The following ANKRD28 variants were observed in gnomAD, a reference collection of about 807,000 sequenced individuals.
ANKRD28 encodes ankyrin repeat domain 28, also known as serine/threonine-protein phosphatase 6 regulatory ankyrin repeat subunit A.
In ANKRD28, 44 loss-of-function variants were observed where a neutral mutation model predicts 126.5. That is an observed-to-expected ratio of 0.35 (90% CI 0.27 to 0.45). ANKRD28 has a LOEUF of 0.45. Among genes scored for constraint, ANKRD28 ranks in the 20% least tolerant of loss-of-function variants. ANKRD28 has a pLI of 1.00. For missense variants in ANKRD28, 1,110 were observed against 1,316.6 expected (o/e 0.84, Z 2.43); for synonymous variants, 442 against 468.5 (o/e 0.94, Z 0.73).
intron 4 of ANKRD28, among the ~76,000 whole-genome samples, chr3:15,750,164 A>G (rs4467435): frequency 0.47 from 70,805 of 152,106 alleles, 19,453 homozygotes; most frequent in Non-Finnish European, 0.6. Flanking sequence ...AAATATATAA[A>G]TTGTACCTTC....
chr3:15,739,019 C>T (rs554951924), intron 4 of ANKRD28, among the ~76,000 whole-genome samples: 17 of 152,260 alleles, frequency 1.1e-4, no homozygotes, highest in African/African-American at 2.2e-4. Context: ...GGCTCTGTTC[C>T]GCCCGGCTCT....
At position 15,714,532 on chromosome 3, in the gene ANKRD28, GAAAAA is replaced by G. The variant is rs5846873; in HGVS notation, c.1075+41_1075+45del. The G allele has an allele frequency of 2.8e-5, 30 of 1,085,190 alleles. No individual in the cohort carries two copies. The African/African-American group carries it at 5.8e-4, about 21-fold the overall frequency. 67.2% of individuals were successfully genotyped at this position (1,085,190 alleles called of 1,614,324 possible). ...TGGTGGATGTTTTTACTACATTTAA[GAAAAA>G]AAAAAAAAAACCCCAAAAAAAAAAC... On this transcript the variant is annotated intron_variant, in intron 9 of 27. Transcript: ENST00000683139.
In ANKRD28 at chr3:15,797,208, A is replaced by C. The variant is rs1559550247; in HGVS notation, c.-687T>G. ...TTTGGGAAAGGGGCAAAAAACAAAA[A>C]CAAAAAAAAAAAAACCACTCTGCAT... is the stretch of plus-strand genomic sequence containing the variant. On this transcript the variant is annotated 5_prime_UTR_variant, in exon 1 of 28. Transcript: ENST00000683139. 3.2e-6 allele frequency: 3 copies of C among 940,736 alleles called. No homozygotes were observed. The African/African-American group carries it at 6.3e-5, about 20-fold the overall frequency. The allele number at this position is 940,736 out of a possible 1,614,324, so 58.3% of individuals were successfully genotyped here.
chr3:15,825,128 A>T (rs2061031630), intron 1 of ANKRD28, among the ~76,000 whole-genome samples: 1 of 152,146 alleles, frequency 6.6e-6, no homozygotes, highest in African/African-American at 2.4e-5. Context: ...CTTAAACTAC[A>T]TTTCCCAGAA....
At chr3:15,857,667 C>A (rs542664865) in intron 1 of ANKRD28, among the ~76,000 whole-genome samples, 2 of 152,224 alleles carry the variant, frequency 1.3e-5, no homozygotes, top group African/African-American at 4.8e-5. Context: ...AATTTTCTCA[C>A]AACTGCAATT....
chr3:15,796,642 G>GTT lies in ANKRD28; in HGVS notation c.-122_-121insAA, dbSNP rs2060288457. ...AAACATTCTCTGAACAGCACAGCTGGGTTTTTTTTTTTTTTAAAGTTAATA... is the reference window on the plus strand; with the variant it reads ...AAACATTCTCTGAACAGCACAGCTGGTTGTTTTTTTTTTTTTTAAAGTTAATA... On this transcript the variant is annotated 5_prime_UTR_variant, in exon 1 of 28. Transcript: ENST00000683139. 8 of 698,646 alleles carry GTT rather than the reference G, an allele frequency of 1.1e-5. No individual in the cohort carries two copies. The highest frequency in any genetic ancestry group is 2.7e-4 in the Admixed American group (2 of 7,412). The allele number at this position is 698,646 out of a possible 1,614,324, so 43.3% of individuals were successfully genotyped here. A position where few individuals can be genotyped will look rare whatever the true frequency, so the allele number is the denominator to read the frequency against.
chr3:15,681,483 CAAATA>C (rs2067541705), intron 21 of ANKRD28, among the ~76,000 whole-genome samples: 3 of 152,286 alleles, frequency 2.0e-5, no homozygotes, highest in African/African-American at 7.2e-5. Context: ...CTAATTACTA[CAAATA>C]AAATGTTGCT....
intron 1 of ANKRD28, chr3:15,859,348 G>A: frequency 1.3e-6 from 2 of 1,522,882 alleles, no homozygotes; most frequent in Admixed American, 2.0e-5. Flanking sequence ...CCCGGACGGC[G>A]CGATCCCGCC....
At chr3:15,792,133 T>G (rs1052233134) in intron 2 of ANKRD28, among the ~76,000 whole-genome samples, 2 of 152,132 alleles carry the variant, frequency 1.3e-5, no homozygotes, top group African/African-American at 4.8e-5. Flanking sequence ...TTGGTGGGAA[T>G]GTACAACCAC....
At chr3:15,682,784 C>T (rs1028946687) in intron 21 of ANKRD28, among the ~76,000 whole-genome samples, 2 of 152,124 alleles carry the variant, frequency 1.3e-5, no homozygotes, top group Non-Finnish European at 1.5e-5. Context: ...AATTATAAAA[C>T]GGGCTTTTGG....
chr3:15,821,736 C>G (rs1156780797), intron 1 of ANKRD28, among the ~76,000 whole-genome samples: 1 of 152,218 alleles, frequency 6.6e-6, no homozygotes, highest in Non-Finnish European at 1.5e-5. Flanking sequence ...ACTCCCCCTA[C>G]ATGGCAGCAT....
chr3:15,747,043 A>G (rs1335064500), intron 4 of ANKRD28, among the ~76,000 whole-genome samples: 1 of 151,862 alleles, frequency 6.6e-6, no homozygotes, highest in African/African-American at 2.4e-5. Flanking sequence ...CATTTGTAAT[A>G]TCTCCCATTT....
In ANKRD28 at chr3:15,853,926, C is replaced by T. The variant is rs955866632; in HGVS notation, c.27+5451G>A. Among the ~76,000 whole-genome samples, 3 of 152,114 alleles carry T rather than the reference C, an allele frequency of 2.0e-5. No individual in the cohort carries two copies. The highest frequency in any genetic ancestry group is 4.8e-5 in the African/African-American group (2 of 41,398). ...GCTATGAGAAATATTTTAAGATATA[C>T]TCACTCTCATTCAAACTTTTGCCTA... On this transcript the variant is annotated intron_variant, in intron 1 of 27. Coordinates refer to the ANKRD28 transcript ENST00000399451. This position sits in a 1 kb window ranked among gnomAD's most constrained non-coding sequence, Gnocchi z 4.2.
chr3:15,835,322 T>C (rs988398995), intron 1 of ANKRD28, among the ~76,000 whole-genome samples: 18 of 152,206 alleles, frequency 1.2e-4, no homozygotes, highest in Non-Finnish European at 2.6e-4. Flanking sequence ...ATGGTTCCCA[T>C]TCTACAAACT....
chr3:15,769,169 G>A (rs2058883673), intron 2 of ANKRD28, among the ~76,000 whole-genome samples: 1 of 152,176 alleles, frequency 6.6e-6, no homozygotes, highest in Non-Finnish European at 1.5e-5. Flanking sequence ...TCATCTGTGT[G>A]TGAGGGATGT....
Position 15,679,507 on chromosome 3 carries a change from C to T in ANKRD28, c.2446G>A (p.Gly816Arg). The change falls in exon 22 of 28, where the codon GGA becomes AGA. Residue 816 changes from glycine (G) to arginine (R), a missense_variant. Physicochemically the swap from Gly to Arg is moderately radical, Grantham distance 125 (BLOSUM62 -2). Coordinates refer to ENST00000683139, the MANE Select transcript of ANKRD28 (RefSeq NM_001349278.2). ...LEQEVFQKTE[G>R]NAFSPLHCAV... ...CAATGCAATGGACTAAAAGCATTTC[C>T]TTCCGTTTTCTGGAAAACTTCCTGT... is the stretch of plus-strand genomic sequence containing the variant. 6.2e-7 allele frequency: 1 copy of T among 1,613,846 alleles called. No individual in the cohort carries two copies. Among genetic ancestry groups the T allele is most frequent in the East Asian group, 2.2e-5 (1 of 44,840 alleles).
chr3:15,743,489 C>CCTGATTA (rs2057253863), intron 4 of ANKRD28, among the ~76,000 whole-genome samples: 1 of 150,698 alleles, frequency 6.6e-6, no homozygotes. Context: ...AAATGTAATT[C>CCTGATTA]CTGATTAGGT....
At chr3:15,741,928 G>A (rs1438162529) in intron 4 of ANKRD28, among the ~76,000 whole-genome samples, 5 of 151,732 alleles carry the variant, frequency 3.3e-5, no homozygotes, top group Admixed American at 1.3e-4. Context: ...TGGTGGAGAC[G>A]GGGTTTCGCT....
chr3:15,804,511 A>C (rs78911914), intron 1 of ANKRD28, among the ~76,000 whole-genome samples: 9,412 of 145,560 alleles, frequency 0.065, 1,895 homozygotes, highest in African/African-American at 0.21. Context: ...TTTTTCAGAA[A>C]ATGGTTGAAG....
Sources: allele counts gnomAD v4.1 joint callset (sites outside exome capture counted in the v4.1 genomes callset), GRCh38; gene constraint gnomAD v4.1.1; non-coding constraint Gnocchi (gnomAD v3.1); transcripts MANE v1.5; gene names NCBI Gene and HGNC (gene_info 2026-07-23, HGNC 2026-07-21).